Variants in CACNA2D2 observed in about 807,000 individuals in gnomAD.
CACNA2D2 encodes voltage-dependent calcium channel subunit alpha-2/delta-2.
CACNA2D2 carries 48 observed loss-of-function variants against 166.4 expected under a neutral mutation model. The observed-to-expected ratio is 0.29, with a 90% CI of 0.23 to 0.37. The LOEUF is 0.37. Ranked by LOEUF, CACNA2D2 falls within the 10% of genes least tolerant of loss-of-function variation. The pLI is 1.00. For missense variants in CACNA2D2, 1,122 were observed against 1,433.0 expected (o/e 0.78, Z 3.50); for synonymous variants, 561 against 573.7 (o/e 0.98, Z 0.32).
intron 3 of CACNA2D2, among the ~76,000 whole-genome samples, chr3:50,395,168 C>G (rs1466212180): frequency 6.6e-6 from 1 of 152,206 alleles, no homozygotes; most frequent in Admixed American, 6.5e-5. Context: ...TCACTATCAA[C>G]TGGCCACCTA....
chr3:50,418,509 A>G (rs926362649), intron 3 of CACNA2D2, among the ~76,000 whole-genome samples: 5 of 151,784 alleles, frequency 3.3e-5, no homozygotes, highest in Non-Finnish European at 7.4e-5. Context: ...GGCCCACTCA[A>G]CTCCTTGGGG....
At chr3:50,456,137 T>C (rs1709348300) in intron 2 of CACNA2D2, among the ~76,000 whole-genome samples, 1 of 152,248 alleles carries the variant, frequency 6.6e-6, no homozygotes, top group African/African-American at 2.4e-5. Flanking sequence ...ATGAAGAAAC[T>C]GAGGCATAGA....
chr3:50,406,542 C>T (rs2106781945), intron 3 of CACNA2D2, among the ~76,000 whole-genome samples: 1 of 151,818 alleles, frequency 6.6e-6, no homozygotes, highest in South Asian at 2.1e-4. Context: ...TGTTGTTCCC[C>T]CCACTTAACC....
In CACNA2D2 at chr3:50,365,966, TC is replaced by T. The variant is rs1704247207; in HGVS notation, c.2862+44del. 2 of 1,610,576 alleles carry T rather than the reference TC, an allele frequency of 1.2e-6. No homozygotes were observed. The highest frequency in any genetic ancestry group is 2.2e-5 in the South Asian group (2 of 90,990). On this transcript the variant is annotated intron_variant, in intron 32 of 37. Transcript: ENST00000424201. This position sits in a 1 kb window ranked among gnomAD's most constrained non-coding sequence, Gnocchi z 4.5. ...GTAGGGGGTCATCTGTGGGCAGGTCTCCCAGTCCCCCCCATCTCCAGTCCAG... is the reference window on the plus strand; with the variant it reads ...GTAGGGGGTCATCTGTGGGCAGGTCTCCAGTCCCCCCCATCTCCAGTCCAG...
At chr3:50,394,501 G>GCT (rs1446577342) in intron 3 of CACNA2D2, among the ~76,000 whole-genome samples, 4 of 152,208 alleles carry the variant, frequency 2.6e-5, no homozygotes, top group African/African-American at 9.7e-5. Flanking sequence ...CCAAGAGGAA[G>GCT]CTCCTCTGGA....
rs138333067 is a variant in CACNA2D2 at position 50,366,894 on chromosome 3, C to T, written c.2526G>A (p.Glu842=). 8.7e-6 allele frequency: 14 copies of T among 1,613,600 alleles called. No individual in the cohort carries two copies. The African/African-American group carries it at 1.9e-4, about 22-fold the overall frequency. ...GCACCTTGAACTTCTCAGCCCAAGC[C>T]TCTAGGTCCAGCTTGACGCCCACCA... ...PAVVGVKLDL[E]AWAEKFKVLA... The change falls in exon 29 of 38, where the codon GAG becomes GAA. Residue 842 remains glutamate (E), a synonymous_variant. Transcript: ENST00000424201. This position sits in a 1 kb window ranked among gnomAD's most constrained non-coding sequence, Gnocchi z 5.9.
chr3:50,370,365 A>C lies in CACNA2D2; in HGVS notation c.2000T>G (p.Leu667Arg). ...TCCTTCAGACTCAAAGCTGCTGGGG[A>C]GCAGGAACTCAAAATCTGCAACAGA... ...ILQVKYFEFL[L>R]PSSFESEGHV... is the part of the protein sequence containing the mutation. Residue 667 changes from leucine to arginine, a missense_variant, in exon 23 of 38, where the codon CTC becomes CGC. Physicochemically the swap from Leu to Arg is moderately radical, Grantham distance 102. Around this residue, in one of 2 missense-constraint regions of CACNA2D2, gnomAD observed 840 missense variants for 1,166.8 expected, o/e 0.72. Coordinates refer to ENST00000424201, the MANE Select transcript of CACNA2D2 (RefSeq NM_006030.4). 6.5e-7 allele frequency: 1 copy of C among 1,549,614 alleles called. No individual in the cohort carries two copies. The highest frequency in any genetic ancestry group is 8.7e-7 in the Non-Finnish European group (1 of 1,145,958).
At chr3:50,458,436 AG>A (rs1281373767) in intron 2 of CACNA2D2, among the ~76,000 whole-genome samples, 1 of 152,186 alleles carries the variant, frequency 6.6e-6, no homozygotes, top group Non-Finnish European at 1.5e-5. Context: ...GGCAGTAGAC[AG>A]GGAGTCTCTG....
Position 50,367,389 on chromosome 3 carries a change from C to G in CACNA2D2, c.2401+5G>C. 1 of 1,613,066 alleles carries G rather than the reference C, an allele frequency of 6.2e-7. No homozygotes were observed. ...TGCTGCTGGGCACACTGCGGGGACA[C>G]TCACCATCCTGGTGTGGGGGCTTGA... On this transcript the variant is annotated splice_donor_5th_base_variant and intron_variant, in intron 27 of 37. Coordinates refer to ENST00000424201, the MANE Select transcript of CACNA2D2 (RefSeq NM_006030.4). The surrounding 1 kb of genome is among the most constrained non-coding windows in gnomAD (Gnocchi z 6.5).
At chr3:50,423,595 C>T (rs1707671930) in intron 3 of CACNA2D2, among the ~76,000 whole-genome samples, 2 of 152,342 alleles carry the variant, frequency 1.3e-5, no homozygotes, top group East Asian at 1.9e-4. Context: ...GGGCTGGACC[C>T]TAGGCATCTG....
At chr3:50,483,129 C>T (rs960074947) in intron 1 of CACNA2D2, among the ~76,000 whole-genome samples, 5 of 152,224 alleles carry the variant, frequency 3.3e-5, no homozygotes, top group African/African-American at 1.2e-4. Context: ...CCTACCACTT[C>T]ACAAGCTGGC....
At chr3:50,387,861 C>G (rs587755840) in intron 4 of CACNA2D2, among the ~76,000 whole-genome samples, 1 of 152,330 alleles carries the variant, frequency 6.6e-6, no homozygotes, top group East Asian at 1.9e-4. Context: ...TTCCCTGGGC[C>G]TTCCTAACTC....
chr3:50,454,179 C>A (rs1213945600), intron 2 of CACNA2D2, among the ~76,000 whole-genome samples: 1 of 152,246 alleles, frequency 6.6e-6, no homozygotes, highest in Non-Finnish European at 1.5e-5. Flanking sequence ...CTCAGCCAGG[C>A]TCCGGAAGCC....
intron 2 of CACNA2D2, among the ~76,000 whole-genome samples, chr3:50,452,229 G>T (rs1472237467): frequency 6.6e-6 from 1 of 152,198 alleles, no homozygotes; most frequent in African/African-American, 2.4e-5. Flanking sequence ...AATTGGCTCA[G>T]GCTTGAGAAT....
intron 3 of CACNA2D2, among the ~76,000 whole-genome samples, chr3:50,420,700 T>C (rs1264871084): frequency 6.6e-6 from 1 of 152,182 alleles, no homozygotes; most frequent in Admixed American, 6.5e-5. Flanking sequence ...GGACAGATGA[T>C]GGCGACGATC....
intron 1 of CACNA2D2, among the ~76,000 whole-genome samples, chr3:50,497,350 C>T (rs1289766948): frequency 6.6e-6 from 1 of 152,226 alleles, no homozygotes; most frequent in Non-Finnish European, 1.5e-5. Context: ...TGGGCTTGCC[C>T]TTGACAGAGG....
chr3:50,465,478 G>C (rs1044355217), intron 2 of CACNA2D2, among the ~76,000 whole-genome samples: 3 of 152,190 alleles, frequency 2.0e-5, no homozygotes, highest in Non-Finnish European at 2.9e-5. Flanking sequence ...AGGGGCAGCA[G>C]GTCTGCCTGC....
intron 3 of CACNA2D2, among the ~76,000 whole-genome samples, chr3:50,406,811 CTCA>C (rs1455705742): frequency 2.0e-5 from 3 of 151,810 alleles, no homozygotes; most frequent in Admixed American, 2.0e-4. Flanking sequence ...TCTGCTAGTG[CTCA>C]TGTCTCCTGG....
At chr3:50,436,797 C>T (rs1708372127) in intron 2 of CACNA2D2, among the ~76,000 whole-genome samples, 1 of 152,224 alleles carries the variant, frequency 6.6e-6, no homozygotes, top group African/African-American at 2.4e-5. Flanking sequence ...CCATCGGCTC[C>T]ATTCCTGAGC....
Sources: allele counts gnomAD v4.1 joint callset (sites outside exome capture counted in the v4.1 genomes callset), GRCh38; gene constraint gnomAD v4.1.1; regional missense constraint gnomAD v4.1.1; non-coding constraint Gnocchi (gnomAD v3.1); transcripts MANE v1.5; gene names NCBI Gene and HGNC (gene_info 2026-07-23, HGNC 2026-07-21).